CNTN5: variants seen among roughly 807,000 people sequenced by gnomAD.
The protein encoded by CNTN5 is contactin-5.
A neutral mutation model predicts 129.1 loss-of-function variants in CNTN5; 77 were observed. The ratio of observed to expected loss-of-function variants is 0.60; its 90% CI spans 0.50 to 0.72. CNTN5 has a LOEUF of 0.72. Ranked by LOEUF, CNTN5 falls within the 30% of genes least tolerant of loss-of-function variation. The pLI is 0.00. For missense variants in CNTN5, 1,478 were observed against 1,328.8 expected (o/e 1.11, Z -1.75); for synonymous variants, 509 against 465.6 (o/e 1.09, Z -1.20).
chr11:100,100,899 G>A (rs1428424601), intron 13 of CNTN5, among the ~76,000 whole-genome samples: 2 of 152,066 alleles, frequency 1.3e-5, no homozygotes, highest in African/African-American at 4.8e-5. Context: ...AAATAGGTAA[G>A]TCTAAACTAT....
At chr11:99,873,120 C>T (rs1054801467) in intron 6 of CNTN5, among the ~76,000 whole-genome samples, 1 of 151,918 alleles carries the variant, frequency 6.6e-6, no homozygotes, top group South Asian at 2.1e-4. Context: ...AGAATTTCGG[C>T]GATAGTTTCA....
At chr11:99,173,513 C>A (rs1313836596) in intron 1 of CNTN5, among the ~76,000 whole-genome samples, 1 of 152,172 alleles carries the variant, frequency 6.6e-6, no homozygotes, top group East Asian at 1.9e-4. Flanking sequence ...TGATAAATAT[C>A]AAATTCATAC....
Position 99,032,012 on chromosome 11 carries a change from C to T in CNTN5, c.-210+10742C>T, listed in dbSNP as rs374971559. Among the ~76,000 whole-genome samples, 16 of 147,922 alleles carry T rather than the reference C, an allele frequency of 1.1e-4. No individual in the cohort carries two copies. In the South Asian group the frequency reaches 2.8e-3, roughly 26 times the overall value. The stretch of plus-strand genomic sequence containing the variant: ...ATTCCCACCTATGAGTGAGAATATG[C>T]GGTGTTTGGTTTTTTGTTCTTGCGA... On this transcript the variant is annotated intron_variant, in intron 1 of 24. Transcript: ENST00000524871.
intron 9 of CNTN5, among the ~76,000 whole-genome samples, chr11:100,045,734 AG>A (rs1201890349): frequency 6.7e-6 from 1 of 149,972 alleles, no homozygotes; most frequent in African/African-American, 2.5e-5. Context: ...AAAAAAAAAA[AG>A]AGTTCTGCTA....
chr11:99,609,828 T>A (rs1298059644), intron 3 of CNTN5, among the ~76,000 whole-genome samples: 2 of 152,054 alleles, frequency 1.3e-5, no homozygotes, highest in Non-Finnish European at 2.9e-5. Context: ...GTTTACTGGG[T>A]GTAGTTCTTT....
At chr11:99,439,864 T>G (rs1321424714) in intron 2 of CNTN5, among the ~76,000 whole-genome samples, 3 of 152,080 alleles carry the variant, frequency 2.0e-5, no homozygotes, top group Non-Finnish European at 4.4e-5. Flanking sequence ...TGAAATACAT[T>G]AGTATTTGGT....
chr11:99,739,898 T>C (rs547121146), intron 3 of CNTN5, among the ~76,000 whole-genome samples: 2 of 152,228 alleles, frequency 1.3e-5, no homozygotes, highest in South Asian at 4.2e-4. Flanking sequence ...AGGGACTAGG[T>C]GTGTTAAATA....
intron 1 of CNTN5, among the ~76,000 whole-genome samples, chr11:99,056,344 C>A (rs573255549): frequency 4.6e-5 from 7 of 151,918 alleles, no homozygotes; most frequent in African/African-American, 1.7e-4. Flanking sequence ...TTATTGGAAG[C>A]TAGTTATGTA....
At chr11:100,227,765 T>C (rs1026518408) in intron 16 of CNTN5, among the ~76,000 whole-genome samples, 1 of 152,190 alleles carries the variant, frequency 6.6e-6, no homozygotes, top group African/African-American at 2.4e-5. Context: ...TTAAGTGTGC[T>C]ATAACAATAG....
intron 18 of CNTN5, among the ~76,000 whole-genome samples, chr11:100,297,032 T>C (rs918663119): frequency 6.6e-6 from 1 of 151,616 alleles, no homozygotes; most frequent in African/African-American, 2.4e-5. Context: ...TTTATTCTTT[T>C]AATAGTTATT....
chr11:100,204,333 T>G (rs1948866993), intron 15 of CNTN5, among the ~76,000 whole-genome samples: 1 of 110,066 alleles, frequency 9.1e-6, no homozygotes, highest in Non-Finnish European at 1.9e-5. Flanking sequence ...TATATATATA[T>G]ATATATATAT....
At chr11:99,134,977 T>C (rs1859144387) in intron 1 of CNTN5, among the ~76,000 whole-genome samples, 1 of 152,204 alleles carries the variant, frequency 6.6e-6, no homozygotes, top group Non-Finnish European at 1.5e-5. Context: ...ATGACTTTTG[T>C]CATCTCTTTT....
chr11:100,187,592 C>G (rs981064998), intron 13 of CNTN5, among the ~76,000 whole-genome samples: 1 of 152,042 alleles, frequency 6.6e-6, no homozygotes, highest in African/African-American at 2.4e-5. Flanking sequence ...AGTACAAAGA[C>G]AGACACATAG....
At chr11:99,815,805 A>T (rs575855289) in intron 3 of CNTN5, among the ~76,000 whole-genome samples, 22 of 152,182 alleles carry the variant, frequency 1.4e-4, no homozygotes, top group Non-Finnish European at 3.1e-4. Context: ...CTCTGTTGAA[A>T]TTCAAGTATT....
At chr11:99,330,440 A>C (rs879289028) in intron 2 of CNTN5, among the ~76,000 whole-genome samples, 2 of 152,188 alleles carry the variant, frequency 1.3e-5, no homozygotes, top group Non-Finnish European at 2.9e-5. Flanking sequence ...GAATAAAAAG[A>C]GATCTCATAC....
chr11:99,073,898 G>T (rs1429243239), intron 1 of CNTN5, among the ~76,000 whole-genome samples: 1 of 150,204 alleles, frequency 6.7e-6, no homozygotes, highest in Admixed American at 6.6e-5. Flanking sequence ...CTCAGTAATG[G>T]GATTGCTGGG....
At chr11:99,819,993 A>T (rs11221517) in intron 4 of CNTN5, among the ~76,000 whole-genome samples, 2 of 152,116 alleles carry the variant, frequency 1.3e-5, no homozygotes, top group African/African-American at 4.8e-5. Flanking sequence ...GTGTTTATTG[A>T]TTGGTGCTTG....
intron 3 of CNTN5, among the ~76,000 whole-genome samples, chr11:99,747,174 G>A (rs1278446607): frequency 6.6e-6 from 1 of 152,034 alleles, no homozygotes; most frequent in African/African-American, 2.4e-5. Context: ...TTTTGATGAT[G>A]TGATTATAAA....
At chr11:100,302,054 AT>A (rs1951234274) in intron 20 of CNTN5, among the ~76,000 whole-genome samples, 1 of 151,504 alleles carries the variant, frequency 6.6e-6, no homozygotes, top group Admixed American at 6.6e-5. Context: ...AAAAATAATA[AT>A]AATAATAAGT....
Sources: gnomAD v4.1 joint callset for allele counts (sites outside exome capture counted in the v4.1 genomes callset) on GRCh38, gnomAD v4.1.1 for gene constraint, MANE v1.5 for transcripts, NCBI Gene and HGNC (gene_info 2026-07-23, HGNC 2026-07-21) for gene names.